The following SEZ6 variants were observed in gnomAD, a reference collection of about 807,000 sequenced individuals.
SEZ6 encodes seizure related 6 homolog, also known as seizure protein 6 homolog.
A neutral mutation model predicts 101.0 loss-of-function variants in SEZ6; 53 were observed. That is an observed-to-expected ratio of 0.52 (90% CI 0.42 to 0.66). The LOEUF is 0.66. SEZ6 is among the 30% of genes least tolerant of loss of function. The pLI, the probability that SEZ6 is intolerant of heterozygous loss-of-function variation, is 0.00. For missense variants in SEZ6, 1,102 were observed against 1,289.4 expected, an observed-to-expected ratio of 0.85 and a Z score of 2.23; for synonymous variants, 488 against 512.2, an observed-to-expected ratio of 0.95 and a Z score of 0.64.
At chr17:28,957,657 G>T in intron 11 of SEZ6, 118 bp from the exon 12 acceptor site, 2 of 1,133,414 alleles carry the variant, frequency 1.8e-6, no homozygotes, top group Non-Finnish European at 1.2e-6. Flanking sequence ...TACCCCCTAC[G>T]TATCTGTCCC....
rs755478298 is a variant in SEZ6, at chr17:28,957,080, G to A, written c.2657C>T (p.Ser886Leu). Residue 886 changes from serine (S) to leucine (L), a missense_variant, in exon 13 of 17, where the codon TCG (serine) becomes TTG (leucine). Around this residue, in one of 3 missense-constraint regions of SEZ6, gnomAD observed 140 missense variants for 135.7 expected, o/e 1.03. Transcript: ENST00000317338. ...GATGGGTGGGGGGTCACTCCAATGC[G>A]AGGGGTGCCCAGGCACACACTTGAT... ...ASIKCVPGHPSHWSDPPPICR... is the reference protein window; with the variant it reads ...ASIKCVPGHPLHWSDPPPICR... The A allele has an allele frequency of 1.0e-5, 16 of 1,608,034 alleles. No individual in the cohort carries two copies. Among genetic ancestry groups the A allele is most frequent in the East Asian group, 2.2e-5 (1 of 44,702 alleles).
In SEZ6 at chr17:28,955,773, C is replaced by T; in HGVS notation, c.*189G>A. The T allele has an allele frequency of 1.3e-6, 1 of 742,904 alleles. No homozygotes were observed. The highest frequency in any genetic ancestry group is 2.4e-6 in the Non-Finnish European group (1 of 420,338). 46.0% of individuals were successfully genotyped at this position (742,904 alleles called of 1,614,324 possible). On this transcript the variant is annotated 3_prime_UTR_variant, in exon 17 of 17. Coordinates refer to ENST00000317338, the MANE Select transcript of SEZ6 (RefSeq NM_178860.5). ...GAAGGGCCCCAAGTGGGCAATGACACCAAGAAAATAGGCCATGGTGGGCAT... is the reference window on the plus strand; with the variant it reads ...GAAGGGCCCCAAGTGGGCAATGACATCAAGAAAATAGGCCATGGTGGGCAT...
At chr17:28,987,501 G>C (rs962451513) in intron 1 of SEZ6, among the ~76,000 whole-genome samples, 2 of 152,170 alleles carry the variant, frequency 1.3e-5, no homozygotes, top group Non-Finnish European at 2.9e-5. Context: ...CCTGAGGCAG[G>C]TTTGCTGCTA....
Position 28,958,083 on chromosome 17 carries a change from G to C in SEZ6, c.2166C>G (p.Ser722Arg). The C allele has an allele frequency of 1.9e-6, 3 of 1,611,080 alleles. No homozygotes were observed. Among genetic ancestry groups the C allele is most frequent in the Non-Finnish European group, 1.7e-6 (2 of 1,177,556 alleles). Residue 722 changes from serine (S) to arginine (R), a missense_variant, in exon 11 of 17, where the codon AGC becomes AGG. By Grantham distance (110) the Ser-to-Arg change is moderately radical (BLOSUM62 -1). This residue lies in a region of SEZ6 where 556 missense variants were observed against 735.1 expected (regional missense o/e 0.76). Coordinates refer to ENST00000317338, the MANE Select transcript of SEZ6 (RefSeq NM_178860.5). ...CGTGCACTAGCTCAGGCTGCGATGG[G>C]CTCTTCCAGCCATTGGGGATCTCAG... The part of the protein sequence containing the change: ...ELPEIPNGWK[S>R]PSQPELVHGT...
rs1476347091 is a variant in SEZ6 at position 28,960,918 on chromosome 17, G to C, written c.1296C>G (p.Gly432=). The C allele has an allele frequency of 6.2e-7, 1 of 1,613,804 alleles. No homozygotes were observed. The highest frequency in any genetic ancestry group is 1.7e-5 in the Admixed American group (1 of 60,000). Residue 432 remains glycine (G), a synonymous_variant, in exon 6 of 17, where the codon GGC becomes GGG. Transcript: ENST00000317338. Reference sequence around the variant, plus strand: ...GGTTGTTGCTGTAGTTGCCCGGGAAGCCTGGAGAGACGATGCGGCCGGTGG... The same window carrying C: ...GGTTGTTGCTGTAGTTGCCCGGGAACCCTGGAGAGACGATGCGGCCGGTGG... The part of the protein sequence containing the change: ...NATTGRIVSP[G]FPGNYSNNLT...
chr17:28,992,429 C>T (rs2041475162), intron 1 of SEZ6, among the ~76,000 whole-genome samples: 1 of 152,052 alleles, frequency 6.6e-6, no homozygotes. Flanking sequence ...AGTGCATGTG[C>T]ATGTGCAGGT....
intron 3 of SEZ6, among the ~76,000 whole-genome samples, chr17:28,972,414 C>T (rs1567990225): frequency 6.6e-6 from 1 of 152,206 alleles, no homozygotes; most frequent in Non-Finnish European, 1.5e-5. Context: ...CAGGGCCCCT[C>T]AGACTGGGTG....
At position 28,954,985 on chromosome 17, in the gene SEZ6, T is replaced by G. The variant is rs2040858519; in HGVS notation, c.*977A>C. 1 of 147,586 alleles carries G rather than the reference T, an allele frequency of 6.8e-6. No homozygotes were observed. The highest frequency in any genetic ancestry group is 2.2e-4 in the South Asian group (1 of 4,488). 9.1% of individuals were successfully genotyped at this position (147,586 alleles called of 1,614,324 possible). ...CAGAAATAAAAGATTGTTCTCTGGCTGGAGCCCAGACCCCATATAATACAT... is the reference window on the plus strand; with the variant it reads ...CAGAAATAAAAGATTGTTCTCTGGCGGGAGCCCAGACCCCATATAATACAT... On this transcript the variant is annotated 3_prime_UTR_variant, in exon 17 of 17. Transcript: ENST00000317338.
At chr17:28,961,267 T>C (rs1161086203) in intron 5 of SEZ6, among the ~76,000 whole-genome samples, 1 of 152,092 alleles carries the variant, frequency 6.6e-6, no homozygotes, top group Non-Finnish European at 1.5e-5. Flanking sequence ...TGTGCCCAGG[T>C]AAGTCACTTT....
At chr17:28,966,639 G>A (rs942374586) in intron 4 of SEZ6, among the ~76,000 whole-genome samples, 6 of 152,162 alleles carry the variant, frequency 3.9e-5, no homozygotes, top group African/African-American at 1.4e-4. Context: ...GGGTCTTGGG[G>A]TAGGGGGCAG....
rs2040876603 is a variant in SEZ6, at chr17:28,956,252, T to C, written c.2859A>G (p.Gly953=). 2 of 1,598,798 alleles carry C rather than the reference T, an allele frequency of 1.3e-6. No homozygotes were observed. The highest frequency in any genetic ancestry group is 1.7e-6 in the Non-Finnish European group (2 of 1,173,102). Reference sequence around the variant, plus strand: ...GGCGGGGCAGCTGCAGGGAGCTTTTTCCCTGGAGCCTGTGGGGCAGAGAAG... The same window carrying C: ...GGCGGGGCAGCTGCAGGGAGCTTTTCCCCTGGAGCCTGTGGGGCAGAGAAG... The part of the protein sequence containing the change: ...GVYFYFSRLQ[G]KSSLQLPRPR... Residue 953 remains glycine, a synonymous_variant, in exon 16 of 17, where the codon GGA becomes GGG. Transcript: ENST00000317338.
chr17:28,974,260 G>C (rs2041191424), intron 3 of SEZ6, among the ~76,000 whole-genome samples: 1 of 152,114 alleles, frequency 6.6e-6, no homozygotes, highest in African/African-American at 2.4e-5. Flanking sequence ...GGTCTCCTAG[G>C]CTCTCTTGGT....
At chr17:28,986,443 T>C (rs2041385318) in intron 1 of SEZ6, among the ~76,000 whole-genome samples, 1 of 152,094 alleles carries the variant, frequency 6.6e-6, no homozygotes, top group South Asian at 2.1e-4. Context: ...GCCCAGCCTG[T>C]GTTTAGGGGA....
intron 3 of SEZ6, among the ~76,000 whole-genome samples, chr17:28,972,815 G>A (rs1249408202): frequency 1.3e-5 from 2 of 152,146 alleles, no homozygotes; most frequent in African/African-American, 2.4e-5. Context: ...AGGAATCCTC[G>A]GGGGGAGAGC....
intron 7 of SEZ6, 63 bp downstream of exon 7, chr17:28,960,442 G>C (rs987992195): frequency 6.5e-7 from 1 of 1,542,714 alleles, no homozygotes; most frequent in Admixed American, 2.0e-5. Flanking sequence ...GTGGGAGAAA[G>C]ACCCTAGGCC....
At chr17:28,986,802 C>T (rs1381036955) in intron 1 of SEZ6, among the ~76,000 whole-genome samples, 1 of 152,230 alleles carries the variant, frequency 6.6e-6, no homozygotes, top group Non-Finnish European at 1.5e-5. Context: ...GTCTGCTCAT[C>T]TGTGGAGTGA....
At chr17:29,000,602 C>T (rs2041603051) in intron 1 of SEZ6, among the ~76,000 whole-genome samples, 1 of 152,124 alleles carries the variant, frequency 6.6e-6, no homozygotes, top group African/African-American at 2.4e-5. Flanking sequence ...ATTCTTAGGC[C>T]TCCACCTCTC....
intron 16 of SEZ6, 23 bp downstream of exon 16, chr17:28,956,136 G>A: frequency 6.3e-7 from 1 of 1,599,968 alleles, no homozygotes; most frequent in East Asian, 2.3e-5. Context: ...GGATAGGGTG[G>A]CAAGGCTGGC....
At chr17:28,970,330 G>A (rs1392169518) in intron 3 of SEZ6, among the ~76,000 whole-genome samples, 2 of 152,118 alleles carry the variant, frequency 1.3e-5, no homozygotes, top group Non-Finnish European at 2.9e-5. Context: ...GAACCAGATG[G>A]TGTCCGAGGC....
Sources: allele counts gnomAD v4.1 joint callset (sites outside exome capture counted in the v4.1 genomes callset), GRCh38; gene constraint gnomAD v4.1.1; regional missense constraint gnomAD v4.1.1; transcripts MANE v1.5; gene names NCBI Gene and HGNC (gene_info 2026-07-23, HGNC 2026-07-21).